The following EGFR variants were observed in gnomAD, a reference collection of about 807,000 sequenced individuals.
The protein encoded by EGFR is epidermal growth factor receptor.
In EGFR, 58 loss-of-function variants were observed where a neutral mutation model predicts 143.0. That is an observed-to-expected ratio of 0.41 (90% CI 0.33 to 0.50). The LOEUF is 0.50. Ranked by LOEUF, EGFR falls within the 20% of genes least tolerant of loss-of-function variation. The probability of loss-of-function intolerance (pLI) is 0.39; values close to 1 mark genes in which losing one functional copy is unlikely to be tolerated. For synonymous variants in EGFR, 613 were observed against 594.4 expected (o/e 1.03, Z -0.45); for missense variants, 1,307 against 1,579.0 (o/e 0.83, Z 2.92).
intron 1 of EGFR, among the ~76,000 whole-genome samples, chr7:55,022,830 C>T (rs959574645): frequency 2.0e-4 from 30 of 152,286 alleles, no homozygotes; most frequent in African/African-American, 5.3e-4. Flanking sequence ...CACCGATTGC[C>T]GAAAGTCCAT....
chr7:55,101,075 G>A (rs982540109), intron 1 of EGFR, among the ~76,000 whole-genome samples: 2 of 152,148 alleles, frequency 1.3e-5, no homozygotes, highest in African/African-American at 4.8e-5. Context: ...AGCCTCCTCC[G>A]AGCAACCCTC....
chr7:55,198,030 G>C (rs1787691691), intron 22 of EGFR, among the ~76,000 whole-genome samples: 1 of 152,182 alleles, frequency 6.6e-6, no homozygotes, highest in African/African-American at 2.4e-5. Flanking sequence ...AGTTAAGGAA[G>C]AGTCCCTCCT....
rs528719385 is a variant in EGFR at position 55,127,678 on chromosome 7, C to T, written c.89-14608C>T. 3.6e-3 allele frequency among the ~76,000 whole-genome samples: 553 copies of T among 152,270 alleles called. 3 individuals are homozygous for T. Among genetic ancestry groups the T allele is most frequent in the African/African-American group, 0.013 (528 of 41,536 alleles). On this transcript the variant is annotated intron_variant, in intron 1 of 27. Coordinates refer to ENST00000275493, the MANE Select transcript of EGFR (RefSeq NM_005228.5). Reference sequence around the variant, plus strand: ...CAATCCTTTCTGCCGCCAACACCCCCCTTATAAAGACTTGACAGTGGGCCA... The same window carrying T: ...CAATCCTTTCTGCCGCCAACACCCCTCTTATAAAGACTTGACAGTGGGCCA...
At chr7:55,191,619 G>A in intron 20 of EGFR, 100 bp from the exon 21 acceptor site, 1 of 1,530,412 alleles carries the variant, frequency 6.5e-7, no homozygotes, top group Non-Finnish European at 9.0e-7. Context: ...TCCTCGACGT[G>A]GAGAGGCTCA....
chr7:55,071,854 G>A (rs1789851441), intron 1 of EGFR, among the ~76,000 whole-genome samples: 1 of 152,210 alleles, frequency 6.6e-6, no homozygotes. Flanking sequence ...AGATGTTCCA[G>A]AATGTAGCTT....
chr7:55,196,071 C>A, intron 22 of EGFR, among the ~76,000 whole-genome samples: 1 of 151,586 alleles, frequency 6.6e-6, no homozygotes. Flanking sequence ...TTTTAGCTAT[C>A]TGAGAAATTG....
chr7:55,166,885 TTGA>T (rs977014372), intron 15 of EGFR, among the ~76,000 whole-genome samples: 7 of 91,238 alleles, frequency 7.7e-5, no homozygotes, highest in African/African-American at 2.8e-4. Flanking sequence ...GATGATGGTG[TTGA>T]TGGTGGTGAG....
chr7:55,125,999 C>A (rs1793502214), intron 1 of EGFR, among the ~76,000 whole-genome samples: 1 of 152,196 alleles, frequency 6.6e-6, no homozygotes, highest in Admixed American at 6.5e-5. Flanking sequence ...TCTGTTCAGC[C>A]AGGCAGCCTT....
At chr7:55,047,285 C>T (rs900768401) in intron 1 of EGFR, among the ~76,000 whole-genome samples, 5 of 152,162 alleles carry the variant, frequency 3.3e-5, no homozygotes, top group African/African-American at 1.2e-4. Flanking sequence ...ACCCAGAACA[C>T]CTAGTACACG....
rs1462377077 is a variant in EGFR, at chr7:55,211,255, G to A, written c.*5638G>A. On this transcript the variant is annotated 3_prime_UTR_variant, in exon 28 of 28. Coordinates refer to ENST00000275493, the MANE Select transcript of EGFR (RefSeq NM_005228.5). ...ATCTTTAAAAAAAAAGGAATCCTAT[G>A]ACCTGATTTGGCCACAAAAATAATC... 1.3e-5 allele frequency: 2 copies of A among 152,096 alleles called. No individual in the cohort carries two copies. The highest frequency in any genetic ancestry group is 4.2e-4 in the South Asian group (2 of 4,818). 9.4% of individuals were successfully genotyped at this position (152,096 alleles called of 1,614,324 possible). A position where few individuals can be genotyped will look rare whatever the true frequency, so the allele number is the denominator to read the frequency against.
intron 1 of EGFR, among the ~76,000 whole-genome samples, chr7:55,102,167 C>A (rs1791872981): frequency 6.6e-6 from 1 of 152,188 alleles, no homozygotes; most frequent in African/African-American, 2.4e-5. Context: ...CACTCATCAC[C>A]ACCTTCCCTC....
chr7:55,090,898 C>T (rs899805533), intron 1 of EGFR, among the ~76,000 whole-genome samples: 1 of 152,048 alleles, frequency 6.6e-6, no homozygotes, highest in African/African-American at 2.4e-5. Flanking sequence ...GTTGATGGAC[C>T]CAACCTATAT....
intron 1 of EGFR, among the ~76,000 whole-genome samples, chr7:55,070,491 G>A (rs990761812): frequency 2.0e-5 from 3 of 152,156 alleles, no homozygotes; most frequent in Non-Finnish European, 2.9e-5. Flanking sequence ...TGTTTAGTTC[G>A]GGGATACAAA....
rs117479531 is a variant in EGFR at position 55,128,453 on chromosome 7, A to G, written c.89-13833A>G. 8.9e-3 allele frequency among the ~76,000 whole-genome samples: 1,362 copies of G among 152,322 alleles called. 8 individuals carry two copies. The highest frequency in any genetic ancestry group is 0.012 in the Non-Finnish European group (839 of 68,012). ...GAAAGCTATTTTAAAAAGTTTAATGAAAGAAGAGAATCACAAAACATTTTC... is the reference window on the plus strand; with the variant it reads ...GAAAGCTATTTTAAAAAGTTTAATGGAAGAAGAGAATCACAAAACATTTTC... On this transcript the variant is annotated intron_variant, in intron 1 of 27. Transcript: ENST00000275493.
chr7:55,052,079 C>T (rs1036129676), intron 1 of EGFR, among the ~76,000 whole-genome samples: 2 of 152,206 alleles, frequency 1.3e-5, no homozygotes, highest in Non-Finnish European at 2.9e-5. Flanking sequence ...GATGAGAGGA[C>T]CCTGGATCCC....
At chr7:55,087,273 T>TTA (rs1562702232) in intron 1 of EGFR, among the ~76,000 whole-genome samples, 1 of 102,120 alleles carries the variant, frequency 9.8e-6, no homozygotes, top group African/African-American at 4.0e-5. Context: ...TCTCAATTGT[T>TTA]AAAAAAAAAA....
intron 1 of EGFR, among the ~76,000 whole-genome samples, chr7:55,026,499 C>G (rs1214213382): frequency 1.3e-5 from 2 of 152,238 alleles, no homozygotes; most frequent in Non-Finnish European, 2.9e-5. Flanking sequence ...CTGCATCAGC[C>G]TAATGGCTAA....
At chr7:55,198,053 T>G (rs572953326) in intron 22 of EGFR, among the ~76,000 whole-genome samples, 2 of 152,316 alleles carry the variant, frequency 1.3e-5, no homozygotes, top group African/African-American at 2.4e-5. Flanking sequence ...TCAATTTTTT[T>G]GGAATAGTTT....
At chr7:55,161,998 C>A (rs942500299) in intron 13 of EGFR, among the ~76,000 whole-genome samples, 2 of 152,170 alleles carry the variant, frequency 1.3e-5, no homozygotes, top group African/African-American at 4.8e-5. Context: ...TTGTAGTGCC[C>A]GATTCCTGGT....
Sources: gnomAD v4.1 joint callset for allele counts (sites outside exome capture counted in the v4.1 genomes callset) on GRCh38, gnomAD v4.1.1 for gene constraint, MANE v1.5 for transcripts, NCBI Gene and HGNC (gene_info 2026-07-23, HGNC 2026-07-21) for gene names.